Variants in KIF26B observed in about 807,000 individuals in gnomAD.
KIF26B encodes the protein kinesin-like protein KIF26B.
A neutral mutation model predicts 151.2 loss-of-function variants in KIF26B; 63 were observed. The ratio of observed to expected loss-of-function variants is 0.42; its 90% confidence interval spans 0.34 to 0.51. The LOEUF (loss-of-function observed/expected upper bound fraction) is 0.51, where lower values mean the gene tolerates loss of function less well. Among genes scored for constraint, KIF26B ranks in the 20% least tolerant of loss-of-function variants. The pLI is 0.07. For missense variants in KIF26B, 2,813 were observed against 2,913.6 expected, an observed-to-expected ratio of 0.97 and a Z score of 0.79; for synonymous variants, 1,357 against 1,262.1, an observed-to-expected ratio of 1.08 and a Z score of -1.59.
chr1:245,695,799 C>G (rs1220464322), intron 12 of KIF26B, among the ~76,000 whole-genome samples: 1 of 135,738 alleles, frequency 7.4e-6, no homozygotes, highest in Non-Finnish European at 1.7e-5. Context: ...CGGGTATTGG[C>G]AGGACTCTCC....
chr1:245,526,602 A>G (rs1661240397), intron 4 of KIF26B, among the ~76,000 whole-genome samples: 1 of 152,234 alleles, frequency 6.6e-6, no homozygotes, highest in Non-Finnish European at 1.5e-5. Context: ...TTAAATTCAA[A>G]TTTAATTAAC....
rs368258830 is a variant in KIF26B at position 245,652,145 on chromosome 1, T to TGTGTGTGTGTGA, written c.2258+5866_2258+5867insTGTGTGTGTGAG. Among the ~76,000 whole-genome samples the TGTGTGTGTGTGA allele has an allele frequency of 3.8e-4, 54 of 142,756 alleles. 1 individual carries two copies. Among genetic ancestry groups the TGTGTGTGTGTGA allele is most frequent in the African/African-American group, 1.0e-3 (37 of 36,464 alleles). The allele number at this position is 142,756 out of a possible 152,430, so 93.7% of individuals were successfully genotyped here. A position where few individuals can be genotyped will look rare whatever the true frequency, so the allele number is the denominator to read the frequency against. ...GTGTGTGTGTGTGTGTGTGTGTGTG[T>TGTGTGTGTGTGA]GAGAGAGACATATGCATATTTAACC... On this transcript the variant is annotated intron_variant, in intron 10 of 14. Coordinates refer to ENST00000407071, the MANE Select transcript of KIF26B (RefSeq NM_018012.4).
At position 245,702,078 on chromosome 1, in the gene KIF26B, A is replaced by G. The variant is rs572877197; in HGVS notation, c.6179-380A>G. On this transcript the variant is annotated intron_variant, in intron 14 of 14. Transcript: ENST00000407071. The surrounding 1 kb of genome is among the most constrained non-coding windows in gnomAD (Gnocchi z 4.1). ...AATGTCACTCAACTGAGACCCCCAA[A>G]AGGGAGGGACTCTCCCCACCTCAAC... Among the ~76,000 whole-genome samples the G allele has an allele frequency of 2.7e-5, 4 of 150,662 alleles. No homozygotes were observed. Among genetic ancestry groups the G allele is most frequent in the Admixed American group, 6.6e-5 (1 of 15,064 alleles).
In KIF26B at chr1:245,679,856, G is replaced by A. The variant is rs35810653; in HGVS notation, c.2259-4377G>A. ...ACACAACTACTTGAAAGAGCGGTGCGGTCCTTCCTCAGGCCCCCGTCAGCT... is the reference window on the plus strand; with the variant it reads ...ACACAACTACTTGAAAGAGCGGTGCAGTCCTTCCTCAGGCCCCCGTCAGCT... On this transcript the variant is annotated intron_variant, in intron 10 of 14. Transcript: ENST00000407071. Among the ~76,000 whole-genome samples the A allele has an allele frequency of 9.2e-3, 1,395 of 152,190 alleles. 9 individuals are homozygous for A. The highest frequency in any genetic ancestry group is 0.027 in the Middle Eastern group (8 of 294).
chr1:245,586,245 C>T (rs985349363), intron 5 of KIF26B, among the ~76,000 whole-genome samples: 66 of 151,740 alleles, frequency 4.3e-4, no homozygotes, highest in Admixed American at 1.1e-3. Flanking sequence ...ATTTCAAACT[C>T]CTGGCCTAAA....
At chr1:245,316,731 A>G (rs915522057) in intron 2 of KIF26B, among the ~76,000 whole-genome samples, 1 of 149,378 alleles carries the variant, frequency 6.7e-6, no homozygotes, top group Non-Finnish European at 1.5e-5. Flanking sequence ...TTGGATGGCC[A>G]GTTTCCCTAT....
chr1:245,696,935 C>A (rs558373032), intron 12 of KIF26B, among the ~76,000 whole-genome samples: 1 of 152,264 alleles, frequency 6.6e-6, no homozygotes, highest in African/African-American at 2.4e-5. Context: ...CATCGTGAAA[C>A]CCTGTCTCTA....
chr1:245,664,617 C>G (rs2044193651), intron 10 of KIF26B, among the ~76,000 whole-genome samples: 1 of 152,036 alleles, frequency 6.6e-6, no homozygotes, highest in African/African-American at 2.4e-5. Context: ...TAAAACAGTT[C>G]TATTCAAAAA....
At chr1:245,336,581 A>AGGCTCGTGCGGC (rs1245145943) in intron 2 of KIF26B, among the ~76,000 whole-genome samples, 5 of 152,186 alleles carry the variant, frequency 3.3e-5, no homozygotes, top group African/African-American at 4.8e-5. Flanking sequence ...GCTTCTCTGC[A>AGGCTCGTGCGGC]GGCTCGTGCG....
intron 10 of KIF26B, among the ~76,000 whole-genome samples, chr1:245,671,170 G>C (rs2044281446): frequency 6.6e-6 from 1 of 152,146 alleles, no homozygotes; most frequent in Admixed American, 6.5e-5. Context: ...GCAAACAACA[G>C]GATCTCATTC....
intron 2 of KIF26B, among the ~76,000 whole-genome samples, chr1:245,209,450 G>A (rs1669470527): frequency 6.6e-6 from 1 of 152,034 alleles, no homozygotes; most frequent in Non-Finnish European, 1.5e-5. Flanking sequence ...TTAACAAATG[G>A]ATGAATCAAA....
At chr1:245,617,243 T>C (rs1293121890) in intron 9 of KIF26B, among the ~76,000 whole-genome samples, 2 of 152,110 alleles carry the variant, frequency 1.3e-5, no homozygotes, top group African/African-American at 4.8e-5. Flanking sequence ...ATGACAGGCG[T>C]CCACCACAAC....
chr1:245,614,124 C>T (rs138842387), intron 9 of KIF26B, among the ~76,000 whole-genome samples: 6 of 152,208 alleles, frequency 3.9e-5, no homozygotes, highest in Admixed American at 1.3e-4. Flanking sequence ...CTGCAGCACG[C>T]GTCTCTTGTT....
intron 10 of KIF26B, chr1:245,676,412 A>G (rs2044357776): frequency 6.6e-6 from 1 of 152,252 alleles, no homozygotes; most frequent in African/African-American, 2.4e-5. Context: ...TCAGTCATTC[A>G]TTGCAAGCGA....
chr1:245,249,366 TG>T, intron 2 of KIF26B, among the ~76,000 whole-genome samples: 1 of 152,292 alleles, frequency 6.6e-6, no homozygotes, highest in African/African-American at 2.4e-5. Flanking sequence ...CCCAAAGTGC[TG>T]GGATTACAAG....
At chr1:245,334,774 T>C (rs1672187823) in intron 2 of KIF26B, among the ~76,000 whole-genome samples, 1 of 152,222 alleles carries the variant, frequency 6.6e-6, no homozygotes, top group Non-Finnish European at 1.5e-5. Context: ...GCATTTTCTC[T>C]ATGTCTACCT....
chr1:245,632,981 C>G (rs191830263), intron 9 of KIF26B, among the ~76,000 whole-genome samples: 17 of 152,192 alleles, frequency 1.1e-4, no homozygotes, highest in Admixed American at 3.9e-4. Flanking sequence ...CTCTTTAGCT[C>G]TAATGATAAT....
At chr1:245,658,028 T>G (rs900073447) in intron 10 of KIF26B, among the ~76,000 whole-genome samples, 3 of 152,170 alleles carry the variant, frequency 2.0e-5, no homozygotes, top group African/African-American at 7.2e-5. Flanking sequence ...AATTTTCTGG[T>G]TTTGATCCCC....
chr1:245,215,320 C>T (rs917112641), intron 2 of KIF26B, among the ~76,000 whole-genome samples: 13 of 152,084 alleles, frequency 8.5e-5, no homozygotes, highest in Non-Finnish European at 1.8e-4. Flanking sequence ...GTCCAGGTAA[C>T]CTCCCTTCAC....
Sources: gnomAD v4.1 joint callset for allele counts (sites outside exome capture counted in the v4.1 genomes callset) on GRCh38, gnomAD v4.1.1 for gene constraint, Gnocchi (gnomAD v3.1) non-coding constraint, MANE v1.5 for transcripts, NCBI Gene and HGNC (gene_info 2026-07-23, HGNC 2026-07-21) for gene names.